Variants in NEGR1 observed in about 807,000 individuals in gnomAD.
NEGR1 encodes the protein IgLON family member 4.
Under a neutral mutation model 40.9 loss-of-function variants are expected in NEGR1, and 10 were observed. The ratio of observed to expected loss-of-function variants is 0.24; its 90% confidence interval spans 0.15 to 0.42. The LOEUF (loss-of-function observed/expected upper bound fraction) is 0.42, where lower values mean the gene tolerates loss of function less well. NEGR1 is among the 10% of genes least tolerant of loss of function. The pLI is 1.00. For missense variants in NEGR1, 352 were observed against 438.9 expected (o/e 0.80, Z 1.77); for synonymous variants, 185 against 166.8 (o/e 1.11, Z -0.84).
intron 1 of NEGR1, among the ~76,000 whole-genome samples, chr1:72,233,587 C>T (rs1363723665): frequency 6.6e-6 from 1 of 152,092 alleles, no homozygotes; most frequent in Non-Finnish European, 1.5e-5. Context: ...AGGATAATGG[C>T]CTCCAGCTGC....
chr1:71,664,941 T>TA (rs1377223724), intron 4 of NEGR1, among the ~76,000 whole-genome samples: 4 of 152,150 alleles, frequency 2.6e-5, no homozygotes, highest in Admixed American at 6.5e-5. Flanking sequence ...CATTTTCTAT[T>TA]AAACCTTCCT....
intron 6 of NEGR1, chr1:71,461,598 G>T (rs571109045): frequency 1.3e-5 from 2 of 152,274 alleles, no homozygotes; most frequent in East Asian, 1.9e-4. Flanking sequence ...CACACTGTTT[G>T]CTTATGTCTA....
intron 6 of NEGR1, among the ~76,000 whole-genome samples, chr1:71,563,801 A>G (rs190534879): frequency 1.2e-4 from 19 of 152,102 alleles, no homozygotes; most frequent in African/African-American, 4.6e-4. Flanking sequence ...GATGGCTGAA[A>G]AAAAATAAAG....
rs1380119058 is a variant in NEGR1 at position 71,935,314 on chromosome 1, A to G, written c.177-3T>C. 2 of 1,571,026 alleles carry G rather than the reference A, an allele frequency of 1.3e-6. No homozygotes were observed. The highest frequency in any genetic ancestry group is 1.3e-5 in the African/African-American group (1 of 74,086). ...AAGCTCCATCTTCCAAATAACACCT[A>G]CAAATTACAAGAGATACAACACTAT... On this transcript the variant is annotated splice_polypyrimidine_tract_variant and splice_region_variant and intron_variant, in intron 1 of 6. Coordinates refer to ENST00000357731, the MANE Select transcript of NEGR1 (RefSeq NM_173808.3).
chr1:71,432,125 G>A (rs1046071801), intron 6 of NEGR1, among the ~76,000 whole-genome samples: 2 of 152,106 alleles, frequency 1.3e-5, no homozygotes, highest in Non-Finnish European at 2.9e-5. Context: ...AATGAGATAG[G>A]ATGCTATTGA....
At chr1:71,969,147 T>C (rs1230336860) in intron 1 of NEGR1, among the ~76,000 whole-genome samples, 1 of 152,076 alleles carries the variant, frequency 6.6e-6, no homozygotes, top group African/African-American at 2.4e-5. Context: ...CCCAAGCAGC[T>C]GAGATTACAG....
intron 1 of NEGR1, among the ~76,000 whole-genome samples, chr1:71,983,198 C>T (rs1361849439): frequency 2.0e-5 from 3 of 152,032 alleles, no homozygotes; most frequent in Non-Finnish European, 4.4e-5. Flanking sequence ...TTTGTAAAAA[C>T]TAAGAAAAAT....
At chr1:71,424,786 C>T (rs2101284519) in intron 6 of NEGR1, among the ~76,000 whole-genome samples, 1 of 152,272 alleles carries the variant, frequency 6.6e-6, no homozygotes, top group African/African-American at 2.4e-5. Context: ...ATGAGGACCT[C>T]AGTCCTTCCA....
At chr1:71,561,469 T>C (rs1408298371) in intron 6 of NEGR1, among the ~76,000 whole-genome samples, 1 of 151,678 alleles carries the variant, frequency 6.6e-6, no homozygotes. Context: ...TAAAGATAAG[T>C]AGACGATACT....
At chr1:72,059,353 A>C (rs1564969) in intron 1 of NEGR1, among the ~76,000 whole-genome samples, 3,055 of 151,626 alleles carry the variant, frequency 0.02, 89 homozygotes, top group African/African-American at 0.071. Flanking sequence ...CTTTTTAAAA[A>C]ATATCTTCTG....
At chr1:72,203,898 A>G (rs766184687) in intron 1 of NEGR1, among the ~76,000 whole-genome samples, 2 of 152,138 alleles carry the variant, frequency 1.3e-5, no homozygotes, top group Non-Finnish European at 2.9e-5. Flanking sequence ...CAATAAAGCA[A>G]TTAATAAATA....
intron 1 of NEGR1, among the ~76,000 whole-genome samples, chr1:72,015,764 TAA>T (rs1334240894): frequency 6.6e-6 from 1 of 152,152 alleles, no homozygotes; most frequent in East Asian, 1.9e-4. Flanking sequence ...TGCCATAATG[TAA>T]AAGAGTCTTG....
intron 1 of NEGR1, among the ~76,000 whole-genome samples, chr1:72,247,774 A>G (rs999510608): frequency 2.6e-5 from 4 of 152,128 alleles, no homozygotes; most frequent in African/African-American, 9.6e-5. Context: ...TGTCCCACCT[A>G]CAGTACCAAT....
intron 1 of NEGR1, among the ~76,000 whole-genome samples, chr1:71,946,673 A>G (rs1646022476): frequency 6.6e-6 from 1 of 152,026 alleles, no homozygotes; most frequent in South Asian, 2.1e-4. Context: ...TATCTTTTCT[A>G]CTGTAAAATG....
At chr1:72,027,930 G>C (rs1646826176) in intron 1 of NEGR1, among the ~76,000 whole-genome samples, 1 of 152,188 alleles carries the variant, frequency 6.6e-6, no homozygotes, top group South Asian at 2.1e-4. Flanking sequence ...TGCACATTAA[G>C]CTTTGAGAAA....
intron 2 of NEGR1, among the ~76,000 whole-genome samples, chr1:71,914,908 A>G (rs960557237): frequency 1.3e-5 from 2 of 152,072 alleles, no homozygotes; most frequent in East Asian, 1.9e-4. Flanking sequence ...ATTATTACCT[A>G]TTTTAACTAA....
chr1:72,110,229 A>C (rs546202518), intron 1 of NEGR1, among the ~76,000 whole-genome samples: 279 of 150,846 alleles, frequency 1.8e-3, no homozygotes, highest in Admixed American at 6.3e-3. Flanking sequence ...AATAAAAAAA[A>C]AAAAAAAAAA....
At chr1:72,146,188 T>C (rs1570038740) in intron 1 of NEGR1, among the ~76,000 whole-genome samples, 2 of 152,294 alleles carry the variant, frequency 1.3e-5, no homozygotes, top group East Asian at 3.9e-4. Context: ...AAATCTGAAA[T>C]GCCCCAAATG....
At chr1:71,500,571 T>C (rs1397568841) in intron 6 of NEGR1, among the ~76,000 whole-genome samples, 2 of 152,168 alleles carry the variant, frequency 1.3e-5, no homozygotes, top group African/African-American at 4.8e-5. Flanking sequence ...TCAACATCAC[T>C]TAATGTTTGT....
Sources: allele counts gnomAD v4.1 joint callset (sites outside exome capture counted in the v4.1 genomes callset), GRCh38; gene constraint gnomAD v4.1.1; transcripts MANE v1.5; gene names NCBI Gene and HGNC (gene_info 2026-07-23, HGNC 2026-07-21).